Variants in CLVS1 observed in about 807,000 individuals in gnomAD.
CLVS1 encodes clavesin 1.
CLVS1 carries 10 observed loss-of-function variants against 33.1 expected under a neutral mutation model. The observed-to-expected ratio is 0.30, with a 90% confidence interval of 0.19 to 0.51. CLVS1 has a LOEUF of 0.51. Among genes scored for constraint, CLVS1 ranks in the 20% least tolerant of loss-of-function variants. The probability of loss-of-function intolerance (pLI) is 0.97; values close to 1 mark genes in which losing one functional copy is unlikely to be tolerated. For missense variants in CLVS1, 343 were observed against 433.4 expected, an observed-to-expected ratio of 0.79 and a Z score of 1.85; for synonymous variants, 163 against 166.1, an observed-to-expected ratio of 0.98 and a Z score of 0.14.
intron 5 of CLVS1, among the ~76,000 whole-genome samples, chr8:61,461,337 T>A (rs905859361): frequency 3.3e-5 from 5 of 152,226 alleles, no homozygotes; most frequent in African/African-American, 9.6e-5. Context: ...ACCTTCACCA[T>A]AAATTTGATG....
chr8:61,300,093 A>G lies in CLVS1; in HGVS notation c.266A>G (p.Asp89Gly), dbSNP rs778817929. ...FLRARKFHQA[D>G]AFRLLAQYFQ... The stretch of plus-strand genomic sequence containing the variant: ...CGAGCCAGGAAGTTTCACCAAGCGG[A>G]TGCCTTTAGACTCCTGGCTCAGTAT... The change falls in exon 2 of 6, where the codon GAT becomes GGT. Residue 89 changes from aspartate to glycine, a missense_variant. Coordinates refer to ENST00000325897, the MANE Select transcript of CLVS1 (RefSeq NM_173519.3). The G allele has an allele frequency of 1.4e-5, 22 of 1,614,022 alleles. No homozygotes were observed. In the South Asian group the frequency reaches 2.4e-4, roughly 18 times the overall value.
intron 3 of CLVS1, among the ~76,000 whole-genome samples, chr8:61,380,683 A>G (rs1397484771): frequency 6.6e-6 from 1 of 152,190 alleles, no homozygotes; most frequent in East Asian, 1.9e-4. Context: ...TTAAATTTTA[A>G]TCAAACAAAG....
chr8:61,269,880 C>T (rs1809397699), intron 2 of CLVS1, among the ~76,000 whole-genome samples: 1 of 149,798 alleles, frequency 6.7e-6, no homozygotes, highest in African/African-American at 2.5e-5. Context: ...TGAGACTTTG[C>T]TGAAGTTGCT....
At chr8:61,381,378 C>T (rs1052611816) in intron 3 of CLVS1, among the ~76,000 whole-genome samples, 2 of 152,110 alleles carry the variant, frequency 1.3e-5, no homozygotes, top group African/African-American at 4.8e-5. Context: ...CACCTATCTC[C>T]CTAGTGTCCT....
At chr8:61,296,912 T>G (rs572723821) in intron 1 of CLVS1, among the ~76,000 whole-genome samples, 1 of 152,244 alleles carries the variant, frequency 6.6e-6, no homozygotes, top group Admixed American at 6.5e-5. Flanking sequence ...TAAGGTGTTC[T>G]GGATAAAGAG....
At chr8:61,253,968 T>G (rs1809013464) in intron 2 of CLVS1, among the ~76,000 whole-genome samples, 1 of 152,264 alleles carries the variant, frequency 6.6e-6, no homozygotes, top group South Asian at 2.1e-4. Context: ...GGTGAGGAGC[T>G]GCATTCCTTT....
Position 61,113,610 on chromosome 8 carries a change from G to A in CLVS1, c.-242-18160G>A, listed in dbSNP as rs191116906. Reference sequence around the variant, plus strand: ...AAAGAGGCAAAAGACTGAAAAACAAGTTGGACCCAGGGAAGTTTTTCAAGA... The same window carrying A: ...AAAGAGGCAAAAGACTGAAAAACAAATTGGACCCAGGGAAGTTTTTCAAGA... On this transcript the variant is annotated intron_variant, in intron 1 of 2. Coordinates refer to the CLVS1 transcript ENST00000522621. Among the ~76,000 whole-genome samples the A allele has an allele frequency of 6.2e-3, 945 of 152,274 alleles. 4 individuals carry two copies. The highest frequency in any genetic ancestry group is 1.0e-2 in the Non-Finnish European group (679 of 68,006).
Position 61,422,731 on chromosome 8 carries a change from C to A in CLVS1, c.631-31410C>A, listed in dbSNP as rs189748476. 5.3e-5 allele frequency among the ~76,000 whole-genome samples: 8 copies of A among 152,268 alleles called. No individual in the cohort carries two copies. The East Asian group carries it at 1.5e-3, about 29-fold the overall frequency. On this transcript the variant is annotated intron_variant, in intron 3 of 5. Transcript: ENST00000325897. ...GAAATCACTTTTGAAATATGAATCA[C>A]TTTATGAAATAATCATATAGGGAAA...
intron 1 of CLVS1, among the ~76,000 whole-genome samples, chr8:61,074,399 T>TTTTATATA (rs1554532068): frequency 1.8e-5 from 1 of 55,576 alleles, no homozygotes; most frequent in Admixed American, 2.0e-4. Flanking sequence ...TATATATATG[T>TTTTATATA]TATATATATA....
intron 3 of CLVS1, among the ~76,000 whole-genome samples, chr8:61,407,791 G>A (rs1469298291): frequency 1.3e-5 from 2 of 152,180 alleles, no homozygotes; most frequent in African/African-American, 4.8e-5. Context: ...CTCAATAATT[G>A]TATTAAGTGT....
intron 5 of CLVS1, among the ~76,000 whole-genome samples, chr8:61,478,052 T>C (rs1411231063): frequency 6.6e-6 from 1 of 152,228 alleles, no homozygotes; most frequent in Non-Finnish European, 1.5e-5. Flanking sequence ...ACATCTTTAC[T>C]TCTGCCTTCA....
chr8:61,491,688 A>G (rs2129608648), intron 5 of CLVS1, among the ~76,000 whole-genome samples: 1 of 152,332 alleles, frequency 6.6e-6, no homozygotes, highest in Admixed American at 6.5e-5. Context: ...CCTTAAAACT[A>G]GGTGGAGTTA....
chr8:61,268,256 A>G (rs1182017991), intron 2 of CLVS1, among the ~76,000 whole-genome samples: 3 of 149,566 alleles, frequency 2.0e-5, no homozygotes, highest in Non-Finnish European at 4.4e-5. Flanking sequence ...TATGAGTGAG[A>G]ATATGCGGTG....
At chr8:61,339,425 G>A (rs1038099476) in intron 2 of CLVS1, among the ~76,000 whole-genome samples, 1 of 152,142 alleles carries the variant, frequency 6.6e-6, no homozygotes, top group East Asian at 1.9e-4. Context: ...ACCAAGTGGA[G>A]CTTGACTACC....
chr8:61,339,838 A>C (rs1811953658), intron 2 of CLVS1, among the ~76,000 whole-genome samples: 1 of 150,490 alleles, frequency 6.6e-6, no homozygotes, highest in Non-Finnish European at 1.5e-5. Context: ...GCGAGAAAGG[A>C]AGGAAGGAAG....
intron 2 of CLVS1, among the ~76,000 whole-genome samples, chr8:61,166,096 C>T (rs1357805283): frequency 1.5e-5 from 2 of 136,868 alleles, no homozygotes; most frequent in Non-Finnish European, 3.1e-5. Flanking sequence ...TTTTCTCCCT[C>T]TTTATAGGCC....
At chr8:61,234,097 G>T (rs1585710109) in intron 2 of CLVS1, among the ~76,000 whole-genome samples, 4 of 152,310 alleles carry the variant, frequency 2.6e-5, no homozygotes, top group Admixed American at 2.6e-4. Flanking sequence ...GCAGTGGCAA[G>T]GGTAGGAGGG....
intron 2 of CLVS1, among the ~76,000 whole-genome samples, chr8:61,230,242 G>A (rs1447983465): frequency 6.6e-6 from 1 of 152,254 alleles, no homozygotes; most frequent in East Asian, 1.9e-4. Context: ...TTCTTTGTGA[G>A]GGCCAATAAG....
the CLVS1 span, among the ~76,000 whole-genome samples, chr8:61,000,042 G>T: frequency 1.3e-5 from 2 of 152,220 alleles, no homozygotes; most frequent in Non-Finnish European, 1.5e-5. Flanking sequence ...TGCATCTGAA[G>T]CCTGAGGCAG....
Sources: allele counts gnomAD v4.1 joint callset (sites outside exome capture counted in the v4.1 genomes callset), GRCh38; gene constraint gnomAD v4.1.1; transcripts MANE v1.5; gene names NCBI Gene and HGNC (gene_info 2026-07-23, HGNC 2026-07-21).